The following SINHCAF variants were observed in gnomAD, a reference collection of about 807,000 sequenced individuals.
SINHCAF encodes the protein SIN3-HDAC complex associated factor, also known as SIN3-HDAC complex-associated factor.
SINHCAF carries 3 observed loss-of-function variants against 25.8 expected under a neutral mutation model. The observed-to-expected ratio is 0.12, with a 90% CI of 0.05 to 0.30. SINHCAF has a LOEUF of 0.30. SINHCAF is among the 10% of genes least tolerant of loss of function. The pLI is 1.00. For missense variants in SINHCAF, 121 were observed against 262.3 expected (o/e 0.46, Z 3.72); for synonymous variants, 70 against 85.5 (o/e 0.82, Z 1.00).
At chr12:31,290,951 T>C (rs1019622058) in intron 4 of SINHCAF, among the ~76,000 whole-genome samples, 4 of 151,938 alleles carry the variant, frequency 2.6e-5, no homozygotes, top group Non-Finnish European at 4.4e-5. Flanking sequence ...ACTCCCAACC[T>C]CAGGTGATCC....
intron 2 of SINHCAF, among the ~76,000 whole-genome samples, chr12:31,297,513 G>C (rs1054726478): frequency 8.0e-5 from 10 of 124,486 alleles, no homozygotes; most frequent in Admixed American, 3.9e-4. Context: ...TCATTCTGTC[G>C]CCAGGCTGGA....
intron 1 of SINHCAF, chr12:31,303,511 A>C (rs1938892515): frequency 6.6e-6 from 1 of 151,752 alleles, no homozygotes; most frequent in Non-Finnish European, 1.5e-5. Context: ...ATAGGGTTTC[A>C]CTGCATTGCC....
intron 4 of SINHCAF, among the ~76,000 whole-genome samples, chr12:31,291,833 G>C (rs1040868123): frequency 1.3e-5 from 2 of 151,280 alleles, no homozygotes; most frequent in Non-Finnish European, 2.9e-5. Flanking sequence ...AGGATACACA[G>C]AAGCAAACAC....
intron 3 of SINHCAF, 67 bp downstream of exon 3, chr12:31,295,167 A>G (rs1401094006): frequency 1.1e-6 from 1 of 949,350 alleles, no homozygotes; most frequent in East Asian, 2.5e-5. Context: ...TTCCTAAATT[A>G]GGGGGAAATT....
intron 1 of SINHCAF, among the ~76,000 whole-genome samples, chr12:31,310,725 AATAAT>A (rs1282554748): frequency 2.0e-5 from 3 of 152,154 alleles, no homozygotes; most frequent in Non-Finnish European, 4.4e-5. Context: ...GGGAAATTTT[AATAAT>A]ATGTCATTTT....
At chr12:31,302,547 G>C (rs1592973277) in intron 1 of SINHCAF, among the ~76,000 whole-genome samples, 1 of 150,448 alleles carries the variant, frequency 6.6e-6, no homozygotes, top group Non-Finnish European at 1.5e-5. Context: ...ATCAGGCCGA[G>C]CTTGAGGATG....
At chr12:31,295,209 T>A (rs775367979) in intron 3 of SINHCAF, 25 bp downstream of exon 3, 1 of 1,423,734 alleles carries the variant, frequency 7.0e-7, no homozygotes, top group South Asian at 1.2e-5. Flanking sequence ...GAGGTATAAT[T>A]GAGAAAAAAG....
Position 31,325,556 on chromosome 12 carries a change from C to A in SINHCAF, c.-21+468G>T. 5.0e-6 allele frequency: 1 copy of A among 199,508 alleles called. No homozygotes were observed. Among genetic ancestry groups the A allele is most frequent in the Non-Finnish European group, 1.1e-5 (1 of 94,196 alleles). The allele number at this position is 199,508 out of a possible 1,614,324, so 12.4% of individuals were successfully genotyped here. A position where few individuals can be genotyped will look rare whatever the true frequency, so the allele number is the denominator to read the frequency against. On this transcript the variant is annotated intron_variant, in intron 1 of 5. Coordinates refer to ENST00000337682, the MANE Select transcript of SINHCAF (RefSeq NM_001135812.2). This position sits in a 1 kb window ranked among gnomAD's most constrained non-coding sequence, Gnocchi z 5.9. The stretch of plus-strand genomic sequence containing the variant: ...TAAACCACGAGGTTTCACAACGGCG[C>A]CCGACCCTGCCCGCGCCTCGCGCCC...
chr12:31,316,582 T>TTAA (rs1939503548), intron 1 of SINHCAF, among the ~76,000 whole-genome samples: 1 of 152,230 alleles, frequency 6.6e-6, no homozygotes, highest in Non-Finnish European at 1.5e-5. Flanking sequence ...CGTCTAATTT[T>TTAA]ACATCTAATT....
chr12:31,314,298 G>C (rs1592986967), intron 1 of SINHCAF, among the ~76,000 whole-genome samples: 1 of 151,932 alleles, frequency 6.6e-6, no homozygotes, highest in Non-Finnish European at 1.5e-5. Flanking sequence ...GGCGAGGCGG[G>C]CGGATCACGA....
At chr12:31,310,910 G>C (rs1360928626) in intron 1 of SINHCAF, among the ~76,000 whole-genome samples, 1 of 143,848 alleles carries the variant, frequency 7.0e-6, no homozygotes, top group South Asian at 2.2e-4. Context: ...TCACTCTGTC[G>C]CCAGGCTGGA....
intron 1 of SINHCAF, among the ~76,000 whole-genome samples, chr12:31,306,746 T>A (rs1939041337): frequency 6.6e-6 from 1 of 152,234 alleles, no homozygotes; most frequent in South Asian, 2.1e-4. Flanking sequence ...TCCATTTTTT[T>A]ACGGGTTGCC....
rs147351090 is a variant in SINHCAF, at chr12:31,296,206, C to T, written c.129-873G>A. 1.5e-3 allele frequency among the ~76,000 whole-genome samples: 224 copies of T among 152,146 alleles called. 1 individual carries two copies. Among genetic ancestry groups the T allele is most frequent in the African/African-American group, 4.4e-3 (184 of 41,520 alleles). The stretch of plus-strand genomic sequence containing the variant: ...GGGTGAACAGGATCTCACTCTGTCA[C>T]GCAGGCTGGAGTACAGTGGTGGGAT... On this transcript the variant is annotated intron_variant, in intron 2 of 5. Coordinates refer to ENST00000337682, the MANE Select transcript of SINHCAF (RefSeq NM_001135812.2).
chr12:31,319,325 G>A (rs975237084), intron 1 of SINHCAF, among the ~76,000 whole-genome samples: 3 of 152,124 alleles, frequency 2.0e-5, no homozygotes, highest in East Asian at 1.9e-4. Context: ...TCAGGAGTTC[G>A]AGACCAGTCT....
chr12:31,302,913 CTTAG>C, intron 1 of SINHCAF: 5 of 984,876 alleles, frequency 5.1e-6, no homozygotes, highest in Non-Finnish European at 6.0e-6. Context: ...AAGGGTCAGC[CTTAG>C]TTAATAGGCC....
At chr12:31,304,409 G>C (rs1938942157) in intron 1 of SINHCAF, 1 of 152,328 alleles carries the variant, frequency 6.6e-6, no homozygotes, top group African/African-American at 2.4e-5. Flanking sequence ...TCAGTTGCCA[G>C]TTATGACAGT....
At chr12:31,305,284 T>C (rs757220340) in intron 1 of SINHCAF, among the ~76,000 whole-genome samples, 2 of 152,196 alleles carry the variant, frequency 1.3e-5, no homozygotes, top group Non-Finnish European at 2.9e-5. Context: ...TTGGAGGTCA[T>C]GACCAGAATC....
At chr12:31,303,007 T>C in intron 1 of SINHCAF, 1 of 985,236 alleles carries the variant, frequency 1.0e-6, no homozygotes. Context: ...TCATCAATCA[T>C]CTATCTGTCT....
rs1939928777 is a variant in SINHCAF, at chr12:31,325,377, A to G, written c.-21+647T>C. 2.6e-6 allele frequency: 1 copy of G among 381,298 alleles called. No homozygotes were observed. The highest frequency in any genetic ancestry group is 5.3e-6 in the Non-Finnish European group (1 of 189,894). The allele number at this position is 381,298 out of a possible 1,614,324, so 23.6% of individuals were successfully genotyped here. Reference sequence around the variant, plus strand: ...TCCGCATCCCTCCGGAGTTGAGCAAACAACGCCACGCCGCGTGCGCTCCGG... The same window carrying G: ...TCCGCATCCCTCCGGAGTTGAGCAAGCAACGCCACGCCGCGTGCGCTCCGG... On this transcript the variant is annotated intron_variant, in intron 1 of 5. Coordinates refer to ENST00000337682, the MANE Select transcript of SINHCAF (RefSeq NM_001135812.2). The surrounding 1 kb of genome is among the most constrained non-coding windows in gnomAD (Gnocchi z 5.9).
Sources: gnomAD v4.1 joint callset for allele counts (sites outside exome capture counted in the v4.1 genomes callset) on GRCh38, gnomAD v4.1.1 for gene constraint, Gnocchi (gnomAD v3.1) non-coding constraint, MANE v1.5 for transcripts, NCBI Gene and HGNC (gene_info 2026-07-23, HGNC 2026-07-21) for gene names.